Variants in SCHIP1 observed in about 807,000 individuals in gnomAD.
The protein encoded by SCHIP1 is schwannomin-interacting protein 1.
SCHIP1 carries 8 observed loss-of-function variants against 29.7 expected under a neutral mutation model. The observed-to-expected ratio is 0.27, with a 90% CI of 0.16 to 0.49. SCHIP1 has a LOEUF of 0.49. SCHIP1 is among the 20% of genes least tolerant of loss of function. SCHIP1 has a pLI of 0.99. For synonymous variants in SCHIP1, 76 were observed against 94.9 expected (o/e 0.80, Z 1.16); for missense variants, 193 against 294.6 (o/e 0.66, Z 2.52).
the SCHIP1 span, among the ~76,000 whole-genome samples, chr3:159,633,671 G>A: frequency 6.6e-6 from 1 of 152,108 alleles, no homozygotes; most frequent in African/African-American, 2.4e-5. Flanking sequence ...AAACTCAAGT[G>A]CACAAGCAAG....
At chr3:159,850,713 G>A (rs910341160) in intron 1 of SCHIP1, among the ~76,000 whole-genome samples, 1 of 152,084 alleles carries the variant, frequency 6.6e-6, no homozygotes, top group African/African-American at 2.4e-5. Context: ...ACATCTTCAC[G>A]TGGCCAGAGC....
the SCHIP1 span, among the ~76,000 whole-genome samples, chr3:159,669,760 G>T: frequency 1.3e-5 from 2 of 152,186 alleles, no homozygotes; most frequent in South Asian, 4.1e-4. Flanking sequence ...ACGAAACCTA[G>T]GTTATGCTTT....
At chr3:159,507,050 C>T in the SCHIP1 span, among the ~76,000 whole-genome samples, 2 of 152,152 alleles carry the variant, frequency 1.3e-5, no homozygotes, top group African/African-American at 2.4e-5. Flanking sequence ...CTATAAATTA[C>T]CTTGGGCAGT....
the SCHIP1 span, among the ~76,000 whole-genome samples, chr3:159,300,712 C>A: frequency 3.9e-5 from 6 of 152,188 alleles, no homozygotes; most frequent in African/African-American, 1.4e-4. Context: ...CAGTGTGGAG[C>A]CACTTTATCT....
the SCHIP1 span, chr3:159,274,679 A>G: frequency 2.0e-4 from 165 of 819,642 alleles, no homozygotes; most frequent in Non-Finnish European, 2.3e-4. Flanking sequence ...TACTACCCAG[A>G]ATGACCCCAA....
At chr3:159,396,366 A>G in the SCHIP1 span, among the ~76,000 whole-genome samples, 6 of 148,038 alleles carry the variant, frequency 4.1e-5, no homozygotes, top group East Asian at 5.9e-4. Flanking sequence ...TGTCATTATG[A>G]TGTTAGCTGG....
the SCHIP1 span, among the ~76,000 whole-genome samples, chr3:159,789,203 G>A: frequency 6.6e-6 from 1 of 152,120 alleles, no homozygotes; most frequent in African/African-American, 2.4e-5. Flanking sequence ...GTCCAGGCCA[G>A]CAGGCTGGAA....
At chr3:159,551,528 T>C in the SCHIP1 span, among the ~76,000 whole-genome samples, 3 of 152,312 alleles carry the variant, frequency 2.0e-5, no homozygotes, top group Admixed American at 2.0e-4. Context: ...GTAGAATCAA[T>C]ATCTATAAAA....
the SCHIP1 span, among the ~76,000 whole-genome samples, chr3:159,430,075 T>C: frequency 6.6e-6 from 1 of 152,146 alleles, no homozygotes; most frequent in Non-Finnish European, 1.5e-5. Flanking sequence ...GAAAAATTGT[T>C]TAGAAAAGGA....
chr3:159,792,781 A>G, the SCHIP1 span, among the ~76,000 whole-genome samples: 1 of 152,190 alleles, frequency 6.6e-6, no homozygotes, highest in Non-Finnish European at 1.5e-5. Context: ...ATATTTACTT[A>G]CAAGTTGATA....
At chr3:159,673,462 CA>C in the SCHIP1 span, among the ~76,000 whole-genome samples, 1 of 152,190 alleles carries the variant, frequency 6.6e-6, no homozygotes, top group Admixed American at 6.5e-5. Flanking sequence ...TTAAATTGAT[CA>C]AAAAGGCATA....
chr3:159,359,013 C>T, the SCHIP1 span, among the ~76,000 whole-genome samples: 7 of 150,164 alleles, frequency 4.7e-5, no homozygotes, highest in East Asian at 2.0e-4. Flanking sequence ...CTGCAACCTC[C>T]GCCTCCCTGG....
the SCHIP1 span, among the ~76,000 whole-genome samples, chr3:159,633,703 A>G: frequency 7.9e-5 from 12 of 152,328 alleles, no homozygotes; most frequent in African/African-American, 2.9e-4. Flanking sequence ...TTTTCCATAT[A>G]TATGGCTCAA....
At chr3:159,823,924 T>A in the SCHIP1 span, among the ~76,000 whole-genome samples, 1 of 152,206 alleles carries the variant, frequency 6.6e-6, no homozygotes, top group East Asian at 1.9e-4. Context: ...AAGTAACTGG[T>A]GAAACATGAC....
intron 1 of SCHIP1, among the ~76,000 whole-genome samples, chr3:159,848,939 G>A (rs1201746939): frequency 6.6e-6 from 1 of 152,030 alleles, no homozygotes; most frequent in Non-Finnish European, 1.5e-5. Flanking sequence ...GCTTCTTTAG[G>A]GAGGGTGCAC....
At chr3:159,286,933 G>A in the SCHIP1 span, among the ~76,000 whole-genome samples, 2 of 151,980 alleles carry the variant, frequency 1.3e-5, no homozygotes, top group East Asian at 3.9e-4. Context: ...TCTGCATGAT[G>A]GTTTGTTTAA....
At chr3:159,839,561 G>T (rs140355646), upstream of SCHIP1, among the ~76,000 whole-genome samples, 1 of 148,296 alleles carries the variant, frequency 6.7e-6, no homozygotes, top group Non-Finnish European at 1.5e-5. Flanking sequence ...TTCATTGTTG[G>T]TATTCAGAAT....
chr3:159,459,069 A>G, the SCHIP1 span, among the ~76,000 whole-genome samples: 1 of 152,222 alleles, frequency 6.6e-6, no homozygotes, highest in Non-Finnish European at 1.5e-5. Flanking sequence ...GATGATTCAA[A>G]GAAGATAATT....
the SCHIP1 span, chr3:159,764,452 G>A: frequency 6.3e-7 from 1 of 1,591,436 alleles, no homozygotes; most frequent in Non-Finnish European, 8.5e-7. The surrounding 1 kb of genome is among the most constrained non-coding windows in gnomAD (Gnocchi z 6.1). Flanking sequence ...GGATTACCGA[G>A]AGGATGGGAT....
Sources: gnomAD v4.1 joint callset for allele counts (sites outside exome capture counted in the v4.1 genomes callset) on GRCh38, gnomAD v4.1.1 for gene constraint, Gnocchi (gnomAD v3.1) non-coding constraint, MANE v1.5 for transcripts, NCBI Gene and HGNC (gene_info 2026-07-23, HGNC 2026-07-21) for gene names.